SPAG16: variants seen among roughly 807,000 people sequenced by gnomAD.
The protein encoded by SPAG16 is sperm-associated antigen 16 protein.
In SPAG16, 86 loss-of-function variants were observed where a neutral mutation model predicts 80.4. That is an observed-to-expected ratio of 1.07 (90% CI 0.90 to 1.28). The LOEUF is 1.28. Ranked by LOEUF, SPAG16 falls within the 50% of genes most tolerant of loss-of-function variation. SPAG16 has a pLI of 0.00. For missense variants in SPAG16, 870 were observed against 765.3 expected (o/e 1.14, Z -1.61); for synonymous variants, 294 against 265.9 (o/e 1.11, Z -1.03).
At chr2:213,716,160 G>A (rs2066230772) in intron 10 of SPAG16, among the ~76,000 whole-genome samples, 1 of 152,054 alleles carries the variant, frequency 6.6e-6, no homozygotes, top group African/African-American at 2.4e-5. Context: ...TTTTGGAGAT[G>A]TTATTTATAA....
chr2:213,424,699 T>A (rs1029779312), intron 9 of SPAG16, among the ~76,000 whole-genome samples: 1 of 152,242 alleles, frequency 6.6e-6, no homozygotes, highest in African/African-American at 2.4e-5. Context: ...TTCTGTTTCA[T>A]ACTGCTGGGA....
At chr2:213,495,857 G>A (rs1006340232) in intron 10 of SPAG16, among the ~76,000 whole-genome samples, 26 of 152,152 alleles carry the variant, frequency 1.7e-4, no homozygotes, top group African/African-American at 6.0e-4. Context: ...AAATATTGTG[G>A]GAACAGCAAG....
chr2:213,560,991 G>A (rs899945567), intron 10 of SPAG16, among the ~76,000 whole-genome samples: 17 of 152,188 alleles, frequency 1.1e-4, no homozygotes, highest in African/African-American at 4.1e-4. Context: ...AGCCTCCCGA[G>A]TAACTGGGAT....
At chr2:213,336,709 G>T (rs543986308) in intron 5 of SPAG16, among the ~76,000 whole-genome samples, 8 of 152,242 alleles carry the variant, frequency 5.3e-5, no homozygotes, top group Admixed American at 5.2e-4. Context: ...AGCATCCCTA[G>T]ACAGGAGTTT....
chr2:214,193,421 G>A (rs1208756907), intron 15 of SPAG16, among the ~76,000 whole-genome samples: 11 of 125,784 alleles, frequency 8.7e-5, no homozygotes, highest in African/African-American at 2.7e-4. Flanking sequence ...GTGTGTGTGT[G>A]TGTATGAGAG....
intron 9 of SPAG16, among the ~76,000 whole-genome samples, chr2:213,407,217 C>T (rs757214060): frequency 6.6e-6 from 1 of 152,054 alleles, no homozygotes; most frequent in Non-Finnish European, 1.5e-5. Context: ...GCGGAGCGGC[C>T]AGAGAGGACA....
chr2:213,826,450 CTT>C (rs2073309175), intron 10 of SPAG16, among the ~76,000 whole-genome samples: 1 of 151,684 alleles, frequency 6.6e-6, no homozygotes, highest in Non-Finnish European at 1.5e-5. Flanking sequence ...TTCAATTATC[CTT>C]TGTTTCAAGA....
At chr2:213,503,110 T>C (rs970927328) in intron 10 of SPAG16, among the ~76,000 whole-genome samples, 1 of 152,246 alleles carries the variant, frequency 6.6e-6, no homozygotes, top group Non-Finnish European at 1.5e-5. Flanking sequence ...TGTATCTGTT[T>C]ATGTATCTTG....
chr2:213,421,310 G>A (rs1455572348), intron 9 of SPAG16, among the ~76,000 whole-genome samples: 1 of 152,040 alleles, frequency 6.6e-6, no homozygotes, highest in Non-Finnish European at 1.5e-5. Flanking sequence ...GCTTGGGGTG[G>A]TGCCGACTCA....
chr2:213,748,064 A>T lies in SPAG16; in HGVS notation c.1071-114421A>T, dbSNP rs186743610. Among the ~76,000 whole-genome samples the T allele has an allele frequency of 5.3e-5, 8 of 152,334 alleles. No homozygotes were observed. In the East Asian group the frequency reaches 1.5e-3, roughly 29 times the overall value. ...GTTATTGACTTAATCCTTTTGGATT[A>T]TTTAAAAATGTATCAATTCTTTTTT... is the stretch of plus-strand genomic sequence containing the variant. On this transcript the variant is annotated intron_variant, in intron 10 of 15. Transcript: ENST00000331683.
Position 213,859,178 on chromosome 2 carries a change from C to CAAAAAAAAAAAAAAAAAAAAAAAAAAAAA in SPAG16, c.1071-3297_1071-3269dup, listed in dbSNP as rs1165853142. ...TGGGCAACAGAGCGACACTCCGTCT[C>CAAAAAAAAAAAAAAAAAAAAAAAAAAAAA]AAAAAAAAAAAAAAAAAAAAAAAAA... On this transcript the variant is annotated intron_variant, in intron 10 of 15. Coordinates refer to ENST00000331683, the MANE Select transcript of SPAG16 (RefSeq NM_024532.5). 8.5e-4 allele frequency among the ~76,000 whole-genome samples: 8 copies of CAAAAAAAAAAAAAAAAAAAAAAAAAAAAA among 9,378 alleles called. 4 individuals are homozygous for CAAAAAAAAAAAAAAAAAAAAAAAAAAAAA. The highest frequency in any genetic ancestry group is 2.4e-3 in the Admixed American group (2 of 830). The allele number at this position is 9,378 out of a possible 152,430, so 6.2% of individuals were successfully genotyped here.
Position 214,207,519 on chromosome 2 carries a change from C to A in SPAG16, c.1720+58253C>A, listed in dbSNP as rs192234260. Among the ~76,000 whole-genome samples, 4 of 152,246 alleles carry A rather than the reference C, an allele frequency of 2.6e-5. No individual in the cohort carries two copies. The East Asian group carries it at 7.7e-4, about 29-fold the overall frequency. On this transcript the variant is annotated intron_variant, in intron 15 of 15. Transcript: ENST00000331683. Reference sequence around the variant, plus strand: ...CTGATCTATCTTCTCAAATATCAGGCCCCAAAAGGTGGCCTTATTTTCATT... The same window carrying A: ...CTGATCTATCTTCTCAAATATCAGGACCCAAAAGGTGGCCTTATTTTCATT...
chr2:213,973,089 T>G (rs1317066404), intron 12 of SPAG16, among the ~76,000 whole-genome samples: 1 of 152,186 alleles, frequency 6.6e-6, no homozygotes, highest in Non-Finnish European at 1.5e-5. Flanking sequence ...GCCCAACCTT[T>G]ACTTCCTACT....
intron 10 of SPAG16, among the ~76,000 whole-genome samples, chr2:213,633,534 G>C (rs1262498321): frequency 6.6e-6 from 1 of 152,070 alleles, no homozygotes; most frequent in Non-Finnish European, 1.5e-5. Flanking sequence ...ATATCTATGA[G>C]ATCCATTTGG....
chr2:214,042,081 C>A (rs1248826774), intron 13 of SPAG16, among the ~76,000 whole-genome samples: 6 of 142,374 alleles, frequency 4.2e-5, no homozygotes, highest in Admixed American at 1.4e-4. Flanking sequence ...TTTTCTTTTT[C>A]TTTTTCTTTT....
At chr2:213,343,229 C>T (rs1386466870) in intron 6 of SPAG16, among the ~76,000 whole-genome samples, 2 of 152,016 alleles carry the variant, frequency 1.3e-5, no homozygotes, top group East Asian at 3.9e-4. Flanking sequence ...GGGAAGTAAC[C>T]TCACTGAATA....
intron 12 of SPAG16, among the ~76,000 whole-genome samples, chr2:213,958,764 A>T (rs2044272751): frequency 6.6e-6 from 1 of 152,170 alleles, no homozygotes. Flanking sequence ...TTAGTATCTT[A>T]AATTATGTAG....
rs144742127 is a variant in SPAG16, at chr2:214,129,662, G to A, written c.1594-19478G>A. Among the ~76,000 whole-genome samples, 172 of 152,100 alleles carry A rather than the reference G, an allele frequency of 1.1e-3. 1 individual carries two copies. The highest frequency in any genetic ancestry group is 4.0e-3 in the African/African-American group (168 of 41,496). ...AAGACCTTAATTATAGTTCTGCTTGGACCATGAATTTCATGCGAAGGCTTA... is the reference window on the plus strand; with the variant it reads ...AAGACCTTAATTATAGTTCTGCTTGAACCATGAATTTCATGCGAAGGCTTA... On this transcript the variant is annotated intron_variant, in intron 14 of 15. Coordinates refer to ENST00000331683, the MANE Select transcript of SPAG16 (RefSeq NM_024532.5).
At chr2:213,563,816 GA>G (rs1553566556) in intron 10 of SPAG16, among the ~76,000 whole-genome samples, 1 of 152,126 alleles carries the variant, frequency 6.6e-6, no homozygotes, top group Non-Finnish European at 1.5e-5. Context: ...ATTTATTAAC[GA>G]AGGACTAAAC....
Sources: allele counts gnomAD v4.1 joint callset (sites outside exome capture counted in the v4.1 genomes callset), GRCh38; gene constraint gnomAD v4.1.1; transcripts MANE v1.5; gene names NCBI Gene and HGNC (gene_info 2026-07-23, HGNC 2026-07-21).